The following NLN variants were observed in gnomAD, a reference collection of about 807,000 sequenced individuals.
NLN encodes the protein neurolysin.
In NLN, 64 loss-of-function variants were observed where a neutral mutation model predicts 79.9. The ratio of observed to expected loss-of-function variants is 0.80; its 90% CI spans 0.65 to 0.99. The LOEUF (loss-of-function observed/expected upper bound fraction) is 0.99. Ranked by LOEUF, NLN falls within the 50% of genes least tolerant of loss-of-function variation. The pLI is 0.00. For missense variants in NLN, 835 were observed against 858.7 expected, an observed-to-expected ratio of 0.97 and a Z score of 0.34; for synonymous variants, 267 against 296.6, an observed-to-expected ratio of 0.90 and a Z score of 1.02.
At chr5:65,779,500 G>A (rs915969757) in intron 4 of NLN, among the ~76,000 whole-genome samples, 12 of 151,920 alleles carry the variant, frequency 7.9e-5, no homozygotes, top group African/African-American at 1.5e-4. Context: ...TTTCCCCGAA[G>A]CAACAATAGA....
In NLN at chr5:65,722,422, C is replaced by T; in HGVS notation, c.41+8C>T. On this transcript the variant is annotated splice_region_variant and intron_variant, in intron 1 of 12. Coordinates refer to ENST00000380985, the MANE Select transcript of NLN (RefSeq NM_020726.5). ...TGTGCGAAGCCTCCGCAGGTACCTC[C>T]AGCGCGCGGGTTAACCTTGGCCGTG... 1 of 1,585,562 alleles carries T rather than the reference C, an allele frequency of 6.3e-7. No homozygotes were observed. Among genetic ancestry groups the T allele is most frequent in the Non-Finnish European group, 8.6e-7 (1 of 1,167,326 alleles).
intron 1 of NLN, among the ~76,000 whole-genome samples, chr5:65,737,854 G>A (rs1159852493): frequency 6.6e-6 from 1 of 152,132 alleles, no homozygotes; most frequent in Middle Eastern, 3.2e-3. Context: ...GAGTTGACTG[G>A]GCACAGTGGT....
chr5:65,809,858 C>G (rs1172427658), intron 10 of NLN, among the ~76,000 whole-genome samples, 157 bp downstream of exon 10: 1 of 152,130 alleles, frequency 6.6e-6, no homozygotes, highest in African/African-American at 2.4e-5. Flanking sequence ...ATAGGAAACC[C>G]CGGAATTTTG....
intron 1 of NLN, among the ~76,000 whole-genome samples, chr5:65,726,020 G>A (rs1347072199): frequency 2.0e-5 from 3 of 151,786 alleles, no homozygotes; most frequent in Non-Finnish European, 2.9e-5. Context: ...GCTGAGGCAG[G>A]AGAATGGCGT....
At chr5:65,818,443 C>G (rs1402011047) in intron 12 of NLN, among the ~76,000 whole-genome samples, 1 of 152,124 alleles carries the variant, frequency 6.6e-6, no homozygotes, top group Non-Finnish European at 1.5e-5. Flanking sequence ...TCCTCCCTCC[C>G]CAGAAATAAA....
At chr5:65,813,976 G>T (rs555832469) in intron 12 of NLN, among the ~76,000 whole-genome samples, 1 of 151,910 alleles carries the variant, frequency 6.6e-6, no homozygotes, top group Admixed American at 6.6e-5. Context: ...TTCTTTCTGT[G>T]TACTTCAATA....
In NLN at chr5:65,823,685, T is replaced by A. The variant is rs1292139348; in HGVS notation, c.*770T>A. 6.6e-6 allele frequency: 1 copy of A among 152,172 alleles called. No individual in the cohort carries two copies. The highest frequency in any genetic ancestry group is 1.5e-5 in the Non-Finnish European group (1 of 68,036). 9.4% of individuals were successfully genotyped at this position (152,172 alleles called of 1,614,324 possible). On this transcript the variant is annotated 3_prime_UTR_variant, in exon 13 of 13. Coordinates refer to ENST00000380985, the MANE Select transcript of NLN (RefSeq NM_020726.5). ...ATACAAGATCGTTAGTCTTTTGGCA[T>A]GTGTGCCAATTAGAATACTAAAGCA... is the stretch of plus-strand genomic sequence containing the variant.
chr5:65,728,690 A>G (rs531005500), intron 1 of NLN, among the ~76,000 whole-genome samples: 18 of 152,314 alleles, frequency 1.2e-4, no homozygotes, highest in African/African-American at 3.6e-4. Context: ...ATTTTCATAC[A>G]TTTTTGGAAG....
chr5:65,748,739 C>T (rs943622177), intron 1 of NLN, among the ~76,000 whole-genome samples: 3 of 152,184 alleles, frequency 2.0e-5, no homozygotes, highest in South Asian at 4.2e-4. Context: ...GGCAACAGAA[C>T]GAGACCCTGT....
At chr5:65,758,134 G>A (rs1391702317) in intron 1 of NLN, among the ~76,000 whole-genome samples, 1 of 152,028 alleles carries the variant, frequency 6.6e-6, no homozygotes, top group Non-Finnish European at 1.5e-5. Flanking sequence ...TACTTGGGAG[G>A]TTGGGGTGGG....
intron 7 of NLN, among the ~76,000 whole-genome samples, chr5:65,787,797 A>G (rs941380265): frequency 2.6e-5 from 4 of 152,182 alleles, no homozygotes; most frequent in African/African-American, 9.6e-5. Flanking sequence ...TTTTCCCTGA[A>G]TAACATTCTT....
At chr5:65,750,333 A>G (rs1759077552) in intron 1 of NLN, among the ~76,000 whole-genome samples, 2 of 152,234 alleles carry the variant, frequency 1.3e-5, no homozygotes, top group South Asian at 4.1e-4. Context: ...AAATAACCAC[A>G]TGTACCTGCT....
At chr5:65,783,304 A>T (rs1175762132) in intron 6 of NLN, among the ~76,000 whole-genome samples, 4 of 152,048 alleles carry the variant, frequency 2.6e-5, no homozygotes, top group Non-Finnish European at 4.4e-5. Flanking sequence ...ATTTTTTTTT[A>T]AAAGATTTGT....
intron 9 of NLN, among the ~76,000 whole-genome samples, chr5:65,807,181 AAAAAAAAAGAAAGAAAGAAAAG>A (rs1760432419): frequency 6.6e-6 from 1 of 151,716 alleles, no homozygotes; most frequent in Non-Finnish European, 1.5e-5. Flanking sequence ...TGTCTCAAAA[AAAAAAAAAGAAAGAAAGAAAAG>A]AAAAAAAGGA....
intron 3 of NLN, among the ~76,000 whole-genome samples, chr5:65,772,024 C>T (rs1579938163): frequency 1.4e-5 from 2 of 145,554 alleles, no homozygotes; most frequent in African/African-American, 5.0e-5. Context: ...TTTTCCATGT[C>T]TTCTTGATTT....
chr5:65,728,780 G>A (rs11744007), intron 1 of NLN, among the ~76,000 whole-genome samples: 244 of 152,306 alleles, frequency 1.6e-3, no homozygotes, highest in Non-Finnish European at 3.1e-3. Flanking sequence ...GTTGTCTGAT[G>A]TGAAAATTTA....
chr5:65,750,259 T>A lies in NLN; in HGVS notation c.42-8308T>A, dbSNP rs73099383. Among the ~76,000 whole-genome samples the A allele has an allele frequency of 8.3e-3, 1,269 of 152,352 alleles. 18 individuals are homozygous for A. Among genetic ancestry groups the A allele is most frequent in the African/African-American group, 0.029 (1,218 of 41,580 alleles). On this transcript the variant is annotated intron_variant, in intron 1 of 12. Coordinates refer to ENST00000380985, the MANE Select transcript of NLN (RefSeq NM_020726.5). ...ACTTACTACAAGTGGCTATTGAATA[T>A]TTGAAATGTGCCTGGTACAACTGAG...
At position 65,770,895 on chromosome 5, in the gene NLN, TATG is replaced by T. The variant is rs149192117; in HGVS notation, c.451-6529_451-6527del. On this transcript the variant is annotated intron_variant, in intron 3 of 12. Transcript: ENST00000380985. Reference sequence around the variant, plus strand: ...AGAAACTGCAGAATACTGCATACAATATGATACTTTATAAAGCTCGAAAAGAAG... The same window carrying T: ...AGAAACTGCAGAATACTGCATACAATATACTTTATAAAGCTCGAAAAGAAG... Among the ~76,000 whole-genome samples, 765 of 152,258 alleles carry T rather than the reference TATG, an allele frequency of 5.0e-3. 2 individuals carry two copies. Among genetic ancestry groups the T allele is most frequent in the African/African-American group, 0.017 (716 of 41,562 alleles).
chr5:65,802,724 A>C (rs576926681), intron 9 of NLN, among the ~76,000 whole-genome samples: 108 of 152,292 alleles, frequency 7.1e-4, no homozygotes, highest in African/African-American at 2.6e-3. Context: ...GAGACGCACA[A>C]TGGGTAGCTC....
Sources: allele counts gnomAD v4.1 joint callset (sites outside exome capture counted in the v4.1 genomes callset), GRCh38; gene constraint gnomAD v4.1.1; transcripts MANE v1.5; gene names NCBI Gene and HGNC (gene_info 2026-07-23, HGNC 2026-07-21).